Variants in GALNT15 observed in about 807,000 individuals in gnomAD.
GALNT15 encodes the protein polypeptide N-acetylgalactosaminyltransferase 15.
Under a neutral mutation model 66.8 loss-of-function variants are expected in GALNT15, and 67 were observed. The observed-to-expected ratio is 1.00, with a 90% CI of 0.82 to 1.23. GALNT15 has a LOEUF of 1.23. Among genes scored for constraint, GALNT15 ranks in the 50% most tolerant of loss-of-function variants. The probability of loss-of-function intolerance (pLI) is 0.00; values close to 1 mark genes in which losing one functional copy is unlikely to be tolerated. For missense variants in GALNT15, 827 were observed against 804.3 expected (o/e 1.03, Z -0.34); for synonymous variants, 313 against 311.5 (o/e 1.00, Z -0.05).
At chr3:16,214,038 G>A (rs2063846597) in intron 6 of GALNT15, among the ~76,000 whole-genome samples, 1 of 152,216 alleles carries the variant, frequency 6.6e-6, no homozygotes, top group Non-Finnish European at 1.5e-5. Flanking sequence ...CCAAGGTCTA[G>A]GCAGGCTACA....
chr3:16,194,579 C>A (rs1041790215), intron 1 of GALNT15, among the ~76,000 whole-genome samples: 2 of 152,100 alleles, frequency 1.3e-5, no homozygotes, highest in African/African-American at 4.8e-5. Context: ...CGGAATCAAC[C>A]CAAATGCCCA....
At chr3:16,232,016 T>A, downstream of GALNT15, 1 of 1,401,088 alleles carries the variant, frequency 7.1e-7, no homozygotes, top group Non-Finnish European at 9.4e-7. Context: ...AAGTCATAAC[T>A]TGCCCAGATG....
At chr3:16,245,222 C>G in the GALNT15 span, among the ~76,000 whole-genome samples, 7 of 152,158 alleles carry the variant, frequency 4.6e-5, no homozygotes, top group Non-Finnish European at 8.8e-5. Flanking sequence ...TATATTGGCG[C>G]CTCCTTCTGC....
At position 16,204,078 on chromosome 3, in the gene GALNT15, G is replaced by A. The variant is rs1302730707; in HGVS notation, c.911+3255G>A. Reference sequence around the variant, plus strand: ...AAAAAAAAAAAAGTGGGGTGGGAGTGGTGAGTGAACAGTGCAGTAAGCCAC... The same window carrying A: ...AAAAAAAAAAAAGTGGGGTGGGAGTAGTGAGTGAACAGTGCAGTAAGCCAC... On this transcript the variant is annotated intron_variant, in intron 3 of 9. Transcript: ENST00000339732. The surrounding 1 kb of genome is among the most constrained non-coding windows in gnomAD (Gnocchi z 4.5). 1.3e-5 allele frequency among the ~76,000 whole-genome samples: 2 copies of A among 152,002 alleles called. No homozygotes were observed. The highest frequency in any genetic ancestry group is 4.8e-5 in the African/African-American group (2 of 41,378).
chr3:16,189,369 C>T lies in GALNT15; in HGVS notation c.540-6391C>T, dbSNP rs2063551271. On this transcript the variant is annotated intron_variant, in intron 1 of 9. Coordinates refer to ENST00000339732, the MANE Select transcript of GALNT15 (RefSeq NM_054110.5). This position sits in a 1 kb window ranked among gnomAD's most constrained non-coding sequence, Gnocchi z 5.1. ...CACTGGTGTTGGGCAATGCACCAGC[C>T]CTAGTGGTTGAGATGAGGAGTAAAT... Among the ~76,000 whole-genome samples the T allele has an allele frequency of 6.6e-6, 1 of 152,126 alleles. No homozygotes were observed. The highest frequency in any genetic ancestry group is 1.5e-5 in the Non-Finnish European group (1 of 68,026).
At chr3:16,231,086 T>C (rs185812466), downstream of GALNT15, among the ~76,000 whole-genome samples, 184 of 134,424 alleles carry the variant, frequency 1.4e-3, no homozygotes, top group Non-Finnish European at 2.1e-3. This position sits in a 1 kb window ranked among gnomAD's most constrained non-coding sequence, Gnocchi z 4.1. Flanking sequence ...ACATGGGAAT[T>C]GGACAATGAG....
intron 3 of GALNT15, among the ~76,000 whole-genome samples, chr3:16,208,159 C>T (rs1418804598): frequency 6.6e-6 from 1 of 152,026 alleles, no homozygotes; most frequent in Non-Finnish European, 1.5e-5. Context: ...TAACACAAGC[C>T]ACATATGTAA....
intron 3 of GALNT15, among the ~76,000 whole-genome samples, chr3:16,207,312 G>T (rs181126189): frequency 9.9e-5 from 15 of 152,018 alleles, no homozygotes; most frequent in African/African-American, 3.1e-4. Flanking sequence ...CTGAAGTTCA[G>T]GCCTGATTCA....
chr3:16,238,066 T>C, the GALNT15 span, among the ~76,000 whole-genome samples: 104 of 152,376 alleles, frequency 6.8e-4, no homozygotes, highest in South Asian at 1.7e-3. This position sits in a 1 kb window ranked among gnomAD's most constrained non-coding sequence, Gnocchi z 4.8. Context: ...TGCAGAATTA[T>C]CTTCCAGAAT....
In GALNT15 at chr3:16,195,689, C is replaced by CTG. The variant is rs2063624876; in HGVS notation, c.540-71_540-70insTG. Reference sequence around the variant, plus strand: ...GCAGCTCCAGCCAGAGCAAAGGAAGCGAGTTAGAGGGTGTGGAGTGTTTCT... The same window carrying CTG: ...GCAGCTCCAGCCAGAGCAAAGGAAGCTGGAGTTAGAGGGTGTGGAGTGTTTCT... On this transcript the variant is annotated intron_variant, in intron 1 of 9. Transcript: ENST00000339732. This position sits in a 1 kb window ranked among gnomAD's most constrained non-coding sequence, Gnocchi z 4.6. 4.3e-6 allele frequency: 6 copies of CTG among 1,385,096 alleles called. No homozygotes were observed. Among genetic ancestry groups the CTG allele is most frequent in the Non-Finnish European group, 6.0e-6 (6 of 1,006,114 alleles). 85.8% of individuals were successfully genotyped at this position (1,385,096 alleles called of 1,614,324 possible). A position where few individuals can be genotyped will look rare whatever the true frequency, so the allele number is the denominator to read the frequency against.
chr3:16,238,769 A>C, the GALNT15 span, among the ~76,000 whole-genome samples: 60 of 152,350 alleles, frequency 3.9e-4, 1 homozygote, highest in Admixed American at 3.6e-3. The surrounding 1 kb of genome is among the most constrained non-coding windows in gnomAD (Gnocchi z 4.8). Flanking sequence ...GGGACTGTCC[A>C]AATGGGAATG....
At chr3:16,213,415 A>G (rs898543338) in intron 6 of GALNT15, among the ~76,000 whole-genome samples, 17 of 125,554 alleles carry the variant, frequency 1.4e-4, no homozygotes, top group Non-Finnish European at 2.0e-4. Context: ...AGATCACGCC[A>G]CTGCACTCCA....
intron 2 of GALNT15, among the ~76,000 whole-genome samples, chr3:16,196,891 T>C (rs1391120282): frequency 6.6e-6 from 1 of 152,150 alleles, no homozygotes; most frequent in Non-Finnish European, 1.5e-5. Context: ...AGGGGAATAA[T>C]GGAGAAGGGC....
Position 16,219,883 on chromosome 3 carries a change from C to G in GALNT15, c.1525-27C>G. The G allele has an allele frequency of 6.4e-7, 1 of 1,569,958 alleles. No homozygotes were observed. Among genetic ancestry groups the G allele is most frequent in the Non-Finnish European group, 8.8e-7 (1 of 1,140,224 alleles). On this transcript the variant is annotated intron_variant, in intron 7 of 9. Transcript: ENST00000339732. This position sits in a 1 kb window ranked among gnomAD's most constrained non-coding sequence, Gnocchi z 4.3. ...TGTCTTTACAGTGGAATCTGGAATT[C>G]ACTCCTGTGTGTGTGTCCACTTTCA...
At position 16,219,806 on chromosome 3, in the gene GALNT15, C is replaced by A; in HGVS notation, c.1525-104C>A. The A allele has an allele frequency of 9.9e-7, 1 of 1,008,616 alleles. No homozygotes were observed. The highest frequency in any genetic ancestry group is 1.6e-6 in the Non-Finnish European group (1 of 637,628). The allele number at this position is 1,008,616 out of a possible 1,614,324, so 62.5% of individuals were successfully genotyped here. A position where few individuals can be genotyped will look rare whatever the true frequency, so the allele number is the denominator to read the frequency against. On this transcript the variant is annotated intron_variant, in intron 7 of 9. Coordinates refer to ENST00000339732, the MANE Select transcript of GALNT15 (RefSeq NM_054110.5). This position sits in a 1 kb window ranked among gnomAD's most constrained non-coding sequence, Gnocchi z 4.3. ...CTGTTGTTGTGGCCTGAACAATGTG[C>A]CTTGGGCTGCACTCCAGAGAATACA...
chr3:16,246,514 C>T, the GALNT15 span, among the ~76,000 whole-genome samples: 2 of 151,744 alleles, frequency 1.3e-5, no homozygotes, highest in African/African-American at 4.8e-5. Flanking sequence ...TTAGTAGAGA[C>T]GGTTTCACCA....
intron 8 of GALNT15, 85 bp from the exon 9 acceptor site, chr3:16,222,530 T>G: frequency 6.5e-7 from 1 of 1,536,682 alleles, no homozygotes; most frequent in Non-Finnish European, 8.9e-7. Context: ...AGACCTCAGC[T>G]CTATAGTGGG....
rs1490430151 is a variant in GALNT15, at chr3:16,204,037, C to G, written c.911+3214C>G. Among the ~76,000 whole-genome samples, 1 of 151,302 alleles carries G rather than the reference C, an allele frequency of 6.6e-6. No individual in the cohort carries two copies. Among genetic ancestry groups the G allele is most frequent in the Non-Finnish European group, 1.5e-5 (1 of 67,896 alleles). On this transcript the variant is annotated intron_variant, in intron 3 of 9. Transcript: ENST00000339732. The surrounding 1 kb of genome is among the most constrained non-coding windows in gnomAD (Gnocchi z 4.5). ...CAGTGCCCAAAAGACAGAAAAGGGT[C>G]TTTAAGAGCTCTTATAAAAAAAAAA...
At chr3:16,197,860 C>G (rs1247340335) in intron 2 of GALNT15, among the ~76,000 whole-genome samples, 2 of 152,174 alleles carry the variant, frequency 1.3e-5, no homozygotes, top group African/African-American at 4.8e-5. Flanking sequence ...GGTGCTCTTA[C>G]CCACTTCAAA....
Sources: gnomAD v4.1 joint callset for allele counts (sites outside exome capture counted in the v4.1 genomes callset) on GRCh38, gnomAD v4.1.1 for gene constraint, Gnocchi (gnomAD v3.1) non-coding constraint, MANE v1.5 for transcripts, NCBI Gene and HGNC (gene_info 2026-07-23, HGNC 2026-07-21) for gene names.